Variants in NXPE3 observed in about 807,000 individuals in gnomAD.
The protein encoded by NXPE3 is NXPE family member 3.
Under a neutral mutation model 46.1 loss-of-function variants are expected in NXPE3, and 26 were observed. The observed-to-expected ratio is 0.56, with a 90% CI of 0.41 to 0.78. The LOEUF (loss-of-function observed/expected upper bound fraction) is 0.78, where lower values mean the gene tolerates loss of function less well. Ranked by LOEUF, NXPE3 falls within the 30% of genes least tolerant of loss-of-function variation. The pLI, the probability that NXPE3 is intolerant of heterozygous loss-of-function variation, is 0.00. For synonymous variants in NXPE3, 272 were observed against 257.9 expected (o/e 1.05, Z -0.52); for missense variants, 620 against 686.0 (o/e 0.90, Z 1.07).
At position 101,801,471 on chromosome 3, in the gene NXPE3, C is replaced by T. The variant is rs373232388; in HGVS notation, c.330C>T (p.Ile110=). 1 of 1,614,178 alleles carries T rather than the reference C, an allele frequency of 6.2e-7. No individual in the cohort carries two copies. The highest frequency in any genetic ancestry group is 8.5e-7 in the Non-Finnish European group (1 of 1,180,054). The change falls in exon 5 of 8, where the codon ATC becomes ATT. Residue 110 remains isoleucine (I), a synonymous_variant. Transcript: ENST00000273347. ...ACCCTTCTTCCAGCTACTTTGTCAT[C>T]TTGAACTCTGCTGCCTTCTTTAAGG... The part of the protein sequence containing the change: ...STDPSSSYFV[I]LNSAAFFKVG...
intron 4 of NXPE3, among the ~76,000 whole-genome samples, chr3:101,788,529 G>A (rs145260228): frequency 1.4e-4 from 21 of 152,212 alleles, no homozygotes; most frequent in Non-Finnish European, 2.1e-4. Context: ...TTAGGTCTTT[G>A]ATCTACTTTG....
intron 7 of NXPE3, among the ~76,000 whole-genome samples, chr3:101,818,745 ATATATATATTTTTTTTTTTTTT>A (rs1942101860): frequency 1.4e-4 from 3 of 21,688 alleles, no homozygotes; most frequent in East Asian, 1.6e-3. Context: ...ATATATATAT[ATATATATATTTTTTTTTTTTTT>A]TTTTTTTTTT....
chr3:101,814,878 G>T (rs1941900473), intron 6 of NXPE3, among the ~76,000 whole-genome samples: 1 of 152,146 alleles, frequency 6.6e-6, no homozygotes, highest in Non-Finnish European at 1.5e-5. Flanking sequence ...TGGGCTTTGG[G>T]CTCACTTGCT....
At chr3:101,815,634 C>T (rs779486788) in intron 6 of NXPE3, among the ~76,000 whole-genome samples, 3 of 151,686 alleles carry the variant, frequency 2.0e-5, no homozygotes, top group African/African-American at 7.3e-5. Context: ...GAGGTCGAGG[C>T]GGGCGGATCA....
intron 4 of NXPE3, among the ~76,000 whole-genome samples, chr3:101,794,823 T>G (rs1940731000): frequency 2.6e-5 from 4 of 152,226 alleles, no homozygotes; most frequent in Admixed American, 2.6e-4. Context: ...TCTACTTTAG[T>G]TCTTGGAAAC....
At chr3:101,782,426 G>A (rs564523248) in intron 2 of NXPE3, 136 bp downstream of exon 2, 7 of 151,572 alleles carry the variant, frequency 4.6e-5, no homozygotes, top group East Asian at 1.9e-4. Flanking sequence ...GTTATAATGC[G>A]TAGGTTTTAT....
At chr3:101,785,837 A>G (rs992566433) in intron 4 of NXPE3, 148 bp downstream of exon 4, 3 of 664,168 alleles carry the variant, frequency 4.5e-6, no homozygotes, top group Admixed American at 4.5e-5. Context: ...CGTGCTCACA[A>G]TGGTTATATA....
chr3:101,799,799 T>C (rs1057327706), intron 4 of NXPE3, among the ~76,000 whole-genome samples: 2 of 152,218 alleles, frequency 1.3e-5, no homozygotes, highest in Admixed American at 6.5e-5. Context: ...CTTTATGGAT[T>C]GTATCCTTCA....
At chr3:101,817,073 C>A in intron 7 of NXPE3, 72 bp downstream of exon 7, 2 of 1,344,732 alleles carry the variant, frequency 1.5e-6, no homozygotes, top group Non-Finnish European at 2.1e-6. Flanking sequence ...CACTCAGGTG[C>A]CTGAAGAAAG....
chr3:101,782,994 T>G (rs1182589783), intron 3 of NXPE3, among the ~76,000 whole-genome samples: 1 of 152,020 alleles, frequency 6.6e-6, no homozygotes, highest in Non-Finnish European at 1.5e-5. Flanking sequence ...GGTGAAAAAT[T>G]AGGACATACA....
rs1293082879 is a variant in NXPE3 at position 101,826,401 on chromosome 3, T to C, written c.*4447T>C. 6.6e-6 allele frequency: 1 copy of C among 152,230 alleles called. No individual in the cohort carries two copies. The highest frequency in any genetic ancestry group is 6.5e-5 in the Admixed American group (1 of 15,280). The allele number at this position is 152,230 out of a possible 1,614,324, so 9.4% of individuals were successfully genotyped here. ...CAGCTTTTTAACATCAGCTAGTCAC[T>C]AATGCCAGAAATTCCACTTCAAGTG... On this transcript the variant is annotated 3_prime_UTR_variant, in exon 8 of 8. Coordinates refer to ENST00000273347, the MANE Select transcript of NXPE3 (RefSeq NM_145037.4).
chr3:101,810,626 G>T (rs1941663608), intron 6 of NXPE3, among the ~76,000 whole-genome samples: 1 of 152,142 alleles, frequency 6.6e-6, no homozygotes, highest in African/African-American at 2.4e-5. Context: ...AATTCAAAGT[G>T]TAAGAAGGAT....
chr3:101,804,433 A>C (rs1355815608), intron 5 of NXPE3, among the ~76,000 whole-genome samples: 1 of 152,210 alleles, frequency 6.6e-6, no homozygotes. Flanking sequence ...ATTTACCTGG[A>C]AGTTTGCTGA....
intron 6 of NXPE3, among the ~76,000 whole-genome samples, chr3:101,808,036 C>G (rs1941506434): frequency 1.3e-5 from 2 of 152,158 alleles, no homozygotes; most frequent in Admixed American, 6.5e-5. Flanking sequence ...GTCTGTGGAT[C>G]AGTGGCATCA....
rs1356517502 is a variant in NXPE3, at chr3:101,824,542, A to G, written c.*2588A>G. On this transcript the variant is annotated 3_prime_UTR_variant, in exon 8 of 8. Coordinates refer to ENST00000273347, the MANE Select transcript of NXPE3 (RefSeq NM_145037.4). ...ACTGCAGCCTTGACTTCCTGGGCTCAAGGGATCCTTCTGCCTCAGCCTCCT... is the reference window on the plus strand; with the variant it reads ...ACTGCAGCCTTGACTTCCTGGGCTCGAGGGATCCTTCTGCCTCAGCCTCCT... 2.6e-5 allele frequency: 4 copies of G among 152,442 alleles called. No homozygotes were observed. The highest frequency in any genetic ancestry group is 4.4e-5 in the Non-Finnish European group (3 of 68,210). 9.4% of individuals were successfully genotyped at this position (152,442 alleles called of 1,614,324 possible).
chr3:101,817,065 C>T lies in NXPE3; in HGVS notation c.1129+64C>T. The T allele has an allele frequency of 7.2e-6, 10 of 1,389,248 alleles. No homozygotes were observed. In the South Asian group the frequency reaches 1.2e-4, roughly 16 times the overall value. 86.1% of individuals were successfully genotyped at this position (1,389,248 alleles called of 1,614,324 possible). ...ATCAGCTTTGAAATAAGCAGACTCA[C>T]TCAGGTGCCTGAAGAAAGGTTATCA... On this transcript the variant is annotated intron_variant, in intron 7 of 7. Transcript: ENST00000273347.
chr3:101,789,846 A>T (rs952023664), intron 4 of NXPE3, among the ~76,000 whole-genome samples: 1 of 152,020 alleles, frequency 6.6e-6, no homozygotes, highest in African/African-American at 2.4e-5. Flanking sequence ...GTCTGCAACC[A>T]TGCCCAGCTA....
At chr3:101,794,938 T>C (rs1940739860) in intron 4 of NXPE3, among the ~76,000 whole-genome samples, 1 of 152,224 alleles carries the variant, frequency 6.6e-6, no homozygotes, top group African/African-American at 2.4e-5. Flanking sequence ...AGTTGTGATA[T>C]TGAAAATCAG....
intron 6 of NXPE3, among the ~76,000 whole-genome samples, chr3:101,815,190 G>T (rs1941917800): frequency 6.6e-6 from 1 of 152,220 alleles, no homozygotes; most frequent in South Asian, 2.1e-4. Flanking sequence ...AGTGTAACTA[G>T]GTTACAACCA....
Sources: gnomAD v4.1 joint callset for allele counts (sites outside exome capture counted in the v4.1 genomes callset) on GRCh38, gnomAD v4.1.1 for gene constraint, MANE v1.5 for transcripts, NCBI Gene and HGNC (gene_info 2026-07-23, HGNC 2026-07-21) for gene names.